The following FBXW10B variants were observed in gnomAD, a reference collection of about 807,000 sequenced individuals.
The protein encoded by FBXW10B is F-box and WD repeat domain containing 10B.
At chr17:15,592,308 T>G in the FBXW10B span, among the ~76,000 whole-genome samples, 5 of 151,124 alleles carry the variant, frequency 3.3e-5, no homozygotes, top group South Asian at 2.1e-4. Context: ...TTTTTTTTTT[T>G]TTTTTTTTTT....
At chr17:15,573,990 T>A in the FBXW10B span, 1 of 589,570 alleles carries the variant, frequency 1.7e-6, no homozygotes, top group East Asian at 2.8e-5. Flanking sequence ...TTTAGTTATG[T>A]TGATTGCTTG....
chr17:15,610,372 G>A, the FBXW10B span, among the ~76,000 whole-genome samples: 3 of 151,306 alleles, frequency 2.0e-5, no homozygotes, highest in Non-Finnish European at 4.4e-5. Context: ...TCTTTGTTGT[G>A]CTTATCTGGG....
the FBXW10B span, among the ~76,000 whole-genome samples, chr17:15,591,248 G>C: frequency 6.6e-6 from 1 of 152,304 alleles, no homozygotes; most frequent in Admixed American, 6.5e-5. Context: ...ATTTGTTTAA[G>C]GATAGTCTGG....
chr17:15,580,270 G>A, the FBXW10B span, among the ~76,000 whole-genome samples: 1 of 152,064 alleles, frequency 6.6e-6, no homozygotes, highest in East Asian at 1.9e-4. Flanking sequence ...TTGAAAATTA[G>A]AACTTTTTTT....
chr17:15,596,175 T>C, the FBXW10B span, among the ~76,000 whole-genome samples: 2 of 152,002 alleles, frequency 1.3e-5, no homozygotes, highest in East Asian at 3.9e-4. Flanking sequence ...TGTGAGCCAC[T>C]GCGCCTGGCC....
the FBXW10B span, among the ~76,000 whole-genome samples, chr17:15,611,173 C>A: frequency 6.6e-6 from 1 of 151,972 alleles, no homozygotes; most frequent in African/African-American, 2.4e-5. Flanking sequence ...AGAGGCACTG[C>A]CACCATGCCT....
At chr17:15,600,314 G>A in the FBXW10B span, among the ~76,000 whole-genome samples, 4 of 148,618 alleles carry the variant, frequency 2.7e-5, no homozygotes, top group Non-Finnish European at 5.9e-5. Flanking sequence ...ATATGTTAAA[G>A]CTTTTTCTTC....
chr17:15,606,556 A>C, the FBXW10B span, among the ~76,000 whole-genome samples: 1 of 148,620 alleles, frequency 6.7e-6, no homozygotes, highest in African/African-American at 2.5e-5. Context: ...TATGGTGATA[A>C]TTGTTCTTTA....
the FBXW10B span, chr17:15,615,556 G>A: frequency 6.4e-7 from 1 of 1,564,150 alleles, no homozygotes. Context: ...CTCATGATCT[G>A]CTTGCCTCGG....
the FBXW10B span, chr17:15,568,848 C>G: frequency 7.3e-6 from 9 of 1,227,262 alleles, no homozygotes; most frequent in Non-Finnish European, 1.0e-6. Context: ...CAGATTGTGT[C>G]TTTTCAACCC....
chr17:15,601,176 G>A, the FBXW10B span, among the ~76,000 whole-genome samples: 32 of 150,750 alleles, frequency 2.1e-4, no homozygotes, highest in African/African-American at 6.5e-4. Flanking sequence ...TTGGGAGGCC[G>A]AGGCGGGCGG....
At chr17:15,596,568 G>A in the FBXW10B span, 1 of 1,612,200 alleles carries the variant, frequency 6.2e-7, no homozygotes, top group Non-Finnish European at 8.5e-7. Flanking sequence ...CTCGCTCACA[G>A]CTGCTCACAA....
the FBXW10B span, among the ~76,000 whole-genome samples, chr17:15,595,325 C>T: frequency 3.3e-5 from 5 of 150,784 alleles, no homozygotes; most frequent in Admixed American, 1.3e-4. Context: ...GGTGACAGAG[C>T]GAGACTCTGT....
At chr17:15,574,118 G>C in the FBXW10B span, 4 of 745,962 alleles carry the variant, frequency 5.4e-6, no homozygotes, top group African/African-American at 6.9e-5. Context: ...TCTGGCACTG[G>C]TGCAAGGCAG....
the FBXW10B span, among the ~76,000 whole-genome samples, chr17:15,592,764 G>C: frequency 1.3e-5 from 2 of 151,900 alleles, no homozygotes; most frequent in Non-Finnish European, 2.9e-5. Context: ...TTACAGAAGC[G>C]TTATGTTGCA....
the FBXW10B span, among the ~76,000 whole-genome samples, chr17:15,593,073 A>G: frequency 2.7e-5 from 4 of 146,548 alleles, no homozygotes; most frequent in Non-Finnish European, 5.9e-5. Flanking sequence ...ACTGCACTCC[A>G]GCCTGTGCGA....
At chr17:15,571,956 G>C in the FBXW10B span, 1 of 151,574 alleles carries the variant, frequency 6.6e-6, no homozygotes, top group Non-Finnish European at 1.5e-5. Context: ...GTGGTTACTG[G>C]GAAACGGCGG....
chr17:15,585,973 A>G, the FBXW10B span, among the ~76,000 whole-genome samples: 1 of 144,682 alleles, frequency 6.9e-6, no homozygotes, highest in African/African-American at 2.6e-5. Flanking sequence ...GAAATGCCTC[A>G]GGATCTTGAT....
chr17:15,613,907 T>C, the FBXW10B span: 1 of 1,601,714 alleles, frequency 6.2e-7, no homozygotes, highest in Non-Finnish European at 8.5e-7. Context: ...AGAAGACAGG[T>C]CTCTGATGTC....
Sources: allele counts gnomAD v4.1 joint callset (sites outside exome capture counted in the v4.1 genomes callset), GRCh38; gene constraint gnomAD v4.1.1; transcripts MANE v1.5; gene names NCBI Gene and HGNC (gene_info 2026-07-23, HGNC 2026-07-21).